The following FILIP1 variants were observed in gnomAD, a reference collection of about 807,000 sequenced individuals.
FILIP1 encodes the protein filamin-A-interacting protein 1.
In FILIP1, 61 loss-of-function variants were observed where a neutral mutation model predicts 102.1. That is an observed-to-expected ratio of 0.60 (90% confidence interval 0.49 to 0.74). The LOEUF is 0.74. FILIP1 is among the 30% of genes least tolerant of loss of function. The pLI, the probability that FILIP1 is intolerant of heterozygous loss-of-function variation, is 0.00. For missense variants in FILIP1, 1,314 were observed against 1,441.2 expected, an observed-to-expected ratio of 0.91 and a Z score of 1.43; for synonymous variants, 491 against 526.9, an observed-to-expected ratio of 0.93 and a Z score of 0.93.
chr6:75,336,099 T>A (rs1427286229), intron 4 of FILIP1, among the ~76,000 whole-genome samples: 2 of 152,192 alleles, frequency 1.3e-5, no homozygotes, highest in African/African-American at 4.8e-5. Flanking sequence ...TGTTGTTTTG[T>A]TTTTTAGCTA....
At chr6:75,401,712 C>T (rs1038847564) in intron 2 of FILIP1, among the ~76,000 whole-genome samples, 5 of 152,096 alleles carry the variant, frequency 3.3e-5, no homozygotes, top group African/African-American at 9.7e-5. Context: ...TAGACCTTAT[C>T]TCTCCCAAGC....
At chr6:75,441,387 C>T (rs1778217154) in intron 1 of FILIP1, among the ~76,000 whole-genome samples, 2 of 152,174 alleles carry the variant, frequency 1.3e-5, no homozygotes, top group South Asian at 4.1e-4. Flanking sequence ...CTTCTTTCTA[C>T]ACAGACACGG....
At position 75,415,466 on chromosome 6, in the gene FILIP1, GTTTA is replaced by G. The variant is rs1401889818; in HGVS notation, c.-6-492_-6-489del. Among the ~76,000 whole-genome samples the G allele has an allele frequency of 1.1e-4, 16 of 139,880 alleles. No individual in the cohort carries two copies. In the South Asian group the frequency reaches 3.0e-3, roughly 26 times the overall value. 91.8% of individuals were successfully genotyped at this position (139,880 alleles called of 152,430 possible). A position where few individuals can be genotyped will look rare whatever the true frequency, so the allele number is the denominator to read the frequency against. ...AAACTGTTCTAAGATAAAATTAAAA[GTTTA>G]TTTATTTATCAGAAAAATCAAACCT... On this transcript the variant is annotated intron_variant, in intron 1 of 5. Transcript: ENST00000237172.
chr6:75,362,942 C>T (rs575681344), intron 2 of FILIP1, 25 bp from the exon 3 acceptor site: 2 of 1,607,634 alleles, frequency 1.2e-6, no homozygotes, highest in African/African-American at 1.3e-5. Flanking sequence ...GCAGCAAGAT[C>T]AGACGACTGA....
intron 2 of FILIP1, among the ~76,000 whole-genome samples, chr6:75,384,292 ATTAAATCAAACCT>A (rs780612508): frequency 1.4e-4 from 22 of 152,198 alleles, no homozygotes; most frequent in Non-Finnish European, 2.8e-4. Flanking sequence ...GTCTGTAGTA[ATTAAATCAAACCT>A]TTACCAGACA....
intron 4 of FILIP1, among the ~76,000 whole-genome samples, chr6:75,336,080 G>T (rs1774232892): frequency 6.6e-6 from 1 of 152,060 alleles, no homozygotes; most frequent in Admixed American, 6.6e-5. Context: ...TTATTGTTTT[G>T]TTTTTTGTTG....
At chr6:75,484,160 A>G (rs1377415058) in intron 1 of FILIP1, among the ~76,000 whole-genome samples, 1 of 152,128 alleles carries the variant, frequency 6.6e-6, no homozygotes, top group Non-Finnish European at 1.5e-5. Context: ...GTAATCAAAA[A>G]TCCTTAAGTC....
downstream of FILIP1, among the ~76,000 whole-genome samples, chr6:75,303,264 A>C (rs966831876): frequency 6.6e-6 from 1 of 152,226 alleles, no homozygotes; most frequent in African/African-American, 2.4e-5. Flanking sequence ...AAAACACACT[A>C]TAAAGATGGA....
At chr6:75,446,670 G>T (rs1056315855) in intron 1 of FILIP1, among the ~76,000 whole-genome samples, 1 of 152,080 alleles carries the variant, frequency 6.6e-6, no homozygotes, top group Non-Finnish European at 1.5e-5. Flanking sequence ...GTTTCTAGCC[G>T]CAACCATCAA....
At chr6:75,348,643 CA>C (rs1774678099) in intron 4 of FILIP1, among the ~76,000 whole-genome samples, 1 of 152,180 alleles carries the variant, frequency 6.6e-6, no homozygotes, top group Non-Finnish European at 1.5e-5. Flanking sequence ...TTTACACTTA[CA>C]GGGTCTAGGT....
rs1775601707 is a variant in FILIP1, at chr6:75,372,728, GA to G, written c.277-9812del. On this transcript the variant is annotated intron_variant, in intron 2 of 5. Coordinates refer to ENST00000237172, the MANE Select transcript of FILIP1 (RefSeq NM_015687.5). ...AAGAAAGAAAGGAAAGAAAGAGAAAGAGAAAGAAAGAAAGAAAGAAAGAAAG... is the reference window on the plus strand; with the variant it reads ...AAGAAAGAAAGGAAAGAAAGAGAAAGGAAAGAAAGAAAGAAAGAAAGAAAG... Among the ~76,000 whole-genome samples, 36 of 61,380 alleles carry G rather than the reference GA, an allele frequency of 5.9e-4. 1 individual carries two copies. The highest frequency in any genetic ancestry group is 3.0e-3 in the East Asian group (6 of 1,984). The allele number at this position is 61,380 out of a possible 152,430, so 40.3% of individuals were successfully genotyped here. A position where few individuals can be genotyped will look rare whatever the true frequency, so the allele number is the denominator to read the frequency against.
chr6:75,488,443 G>GA (rs199851121), intron 1 of FILIP1, among the ~76,000 whole-genome samples: 2,642 of 135,516 alleles, frequency 0.019, 75 homozygotes, highest in East Asian at 0.15. Flanking sequence ...GACCATTTAA[G>GA]AAAAAAAAAA....
At chr6:75,361,666 C>T (rs1367831194) in intron 3 of FILIP1, among the ~76,000 whole-genome samples, 1 of 152,154 alleles carries the variant, frequency 6.6e-6, no homozygotes, top group Non-Finnish European at 1.5e-5. Flanking sequence ...TTATTAAACC[C>T]TCACAGCAGT....
rs562630607 is a variant in FILIP1, at chr6:75,441,189, C to G, written c.-6-26211G>C. On this transcript the variant is annotated intron_variant, in intron 1 of 5. Transcript: ENST00000237172. ...ATTAGGGAGTGGTGATGACTCTTAA[C>G]GAGCATGCTGCCTTCAAGCATCTGT... 6.9e-4 allele frequency among the ~76,000 whole-genome samples: 105 copies of G among 151,496 alleles called. No homozygotes were observed. The Middle Eastern group carries it at 0.01, about 15-fold the overall frequency.
intron 2 of FILIP1, among the ~76,000 whole-genome samples, chr6:75,397,303 T>C (rs1776496037): frequency 6.6e-6 from 1 of 151,878 alleles, no homozygotes; most frequent in Non-Finnish European, 1.5e-5. Context: ...AGATTACATA[T>C]ATGGCTCACA....
chr6:75,477,101 C>T (rs1190850081), intron 1 of FILIP1, among the ~76,000 whole-genome samples: 1 of 152,074 alleles, frequency 6.6e-6, no homozygotes, highest in Non-Finnish European at 1.5e-5. Flanking sequence ...AATAAAAGTG[C>T]CTTGATTTTG....
At chr6:75,447,048 A>G (rs1462372961) in intron 1 of FILIP1, among the ~76,000 whole-genome samples, 3 of 152,194 alleles carry the variant, frequency 2.0e-5, no homozygotes, top group Non-Finnish European at 4.4e-5. Context: ...CCTCCAAAAA[A>G]GTAGCATATT....
At chr6:75,327,577 T>C (rs4361582) in intron 4 of FILIP1, among the ~76,000 whole-genome samples, 99,304 of 147,470 alleles carry the variant, frequency 0.67, 33,507 homozygotes, top group Middle Eastern at 0.77. Flanking sequence ...TATATGCATA[T>C]ATATAAATAT....
intron 4 of FILIP1, 91 bp downstream of exon 4, chr6:75,353,448 C>T: frequency 7.1e-7 from 1 of 1,412,330 alleles, no homozygotes; most frequent in South Asian, 1.3e-5. Context: ...TCCACGATGC[C>T]CCTGGCTGAA....
Sources: allele counts gnomAD v4.1 joint callset (sites outside exome capture counted in the v4.1 genomes callset), GRCh38; gene constraint gnomAD v4.1.1; transcripts MANE v1.5; gene names NCBI Gene and HGNC (gene_info 2026-07-23, HGNC 2026-07-21).